Variants in IKZF2 observed in about 807,000 individuals in gnomAD.
The protein encoded by IKZF2 is IKAROS family zinc finger 2, also known as zinc finger protein Helios.
IKZF2 carries 15 observed loss-of-function variants against 49.2 expected under a neutral mutation model. That is an observed-to-expected ratio of 0.30 (90% CI 0.20 to 0.47). The LOEUF (loss-of-function observed/expected upper bound fraction) is 0.47, where lower values mean the gene tolerates loss of function less well. IKZF2 is among the 20% of genes least tolerant of loss of function. IKZF2 has a pLI of 1.00. For missense variants in IKZF2, 567 were observed against 664.6 expected (o/e 0.85, Z 1.61); for synonymous variants, 227 against 221.4 (o/e 1.03, Z -0.23).
chr2:213,076,071 CAAAT>C (rs1703229074), intron 4 of IKZF2, among the ~76,000 whole-genome samples: 1 of 151,930 alleles, frequency 6.6e-6, no homozygotes. Flanking sequence ...TGTAAAAAAA[CAAAT>C]AATGTTTTCC....
chr2:213,086,988 C>T (rs1704692126), intron 4 of IKZF2, among the ~76,000 whole-genome samples: 1 of 151,982 alleles, frequency 6.6e-6, no homozygotes, highest in Admixed American at 6.6e-5. Context: ...CCTGTTAATG[C>T]AATAGGGAGA....
chr2:213,033,258 C>T (rs1474731396), intron 6 of IKZF2, among the ~76,000 whole-genome samples: 1 of 152,212 alleles, frequency 6.6e-6, no homozygotes, highest in Non-Finnish European at 1.5e-5. Flanking sequence ...CCTTTATCCA[C>T]TGAAGTCCTG....
At chr2:213,092,183 A>G (rs1705422694) in intron 4 of IKZF2, among the ~76,000 whole-genome samples, 1 of 151,842 alleles carries the variant, frequency 6.6e-6, no homozygotes, top group African/African-American at 2.4e-5. Context: ...ACACCACCAC[A>G]CCTAGCTAAT....
intron 4 of IKZF2, among the ~76,000 whole-genome samples, chr2:213,128,527 T>C (rs2060345603): frequency 6.6e-6 from 1 of 152,148 alleles, no homozygotes; most frequent in East Asian, 1.9e-4. Context: ...TGAAAATCAG[T>C]ACTCTTAACT....
rs1695207186 is a variant in IKZF2 at position 213,005,001 on chromosome 2, A to G, written c.*2359T>C. ...TGATTGTTCATATACTGAAAAAAAA[A>G]TAAGTAGGAAGAAAATTCATAGATA... is the stretch of plus-strand genomic sequence containing the variant. On this transcript the variant is annotated 3_prime_UTR_variant, in exon 9 of 9. Transcript: ENST00000434687. The G allele has an allele frequency of 6.6e-6, 1 of 152,426 alleles. No homozygotes were observed. The highest frequency in any genetic ancestry group is 2.4e-5 in the African/African-American group (1 of 41,432). The allele number at this position is 152,426 out of a possible 1,614,324, so 9.4% of individuals were successfully genotyped here.
chr2:213,113,905 T>C (rs968891885), intron 4 of IKZF2, among the ~76,000 whole-genome samples: 5 of 152,190 alleles, frequency 3.3e-5, no homozygotes, highest in Non-Finnish European at 5.9e-5. Context: ...TTTATACTCA[T>C]CACAAGGATG....
At chr2:213,126,826 C>T (rs1398173863) in intron 4 of IKZF2, among the ~76,000 whole-genome samples, 1 of 152,056 alleles carries the variant, frequency 6.6e-6, no homozygotes, top group East Asian at 1.9e-4. Context: ...TCACGGTACA[C>T]ATTTATAACA....
intron 7 of IKZF2, 79 bp from the exon 8 acceptor site, chr2:213,014,013 G>A (rs774328552): frequency 3.0e-5 from 40 of 1,343,704 alleles, no homozygotes; most frequent in South Asian, 1.9e-4. Context: ...ATGCCATCTC[G>A]ATATGTGTTA....
chr2:213,080,429 C>T (rs762799268), intron 4 of IKZF2, among the ~76,000 whole-genome samples: 11 of 151,916 alleles, frequency 7.2e-5, no homozygotes, highest in Non-Finnish European at 1.0e-4. Flanking sequence ...AAAGAGAAAA[C>T]GAGGAGAACA....
At position 213,150,209 on chromosome 2, in the gene IKZF2, C is replaced by T; in HGVS notation, c.-81G>A. 3 of 1,284,292 alleles carry T rather than the reference C, an allele frequency of 2.3e-6. No homozygotes were observed. Among genetic ancestry groups the T allele is most frequent in the South Asian group, 1.3e-5 (1 of 75,712 alleles). The allele number at this position is 1,284,292 out of a possible 1,614,324, so 79.6% of individuals were successfully genotyped here. A position where few individuals can be genotyped will look rare whatever the true frequency, so the allele number is the denominator to read the frequency against. ...TTCCAGCTCTGTCGGGAGATCTCAG[C>T]TTCTTCTAACCCCTCAAAGAGGAGG... On this transcript the variant is annotated 5_prime_UTR_variant, in exon 2 of 9. Coordinates refer to ENST00000434687, the MANE Select transcript of IKZF2 (RefSeq NM_001387220.1).
At chr2:213,037,868 G>C (rs1393614363) in intron 6 of IKZF2, among the ~76,000 whole-genome samples, 1 of 152,220 alleles carries the variant, frequency 6.6e-6, no homozygotes, top group Non-Finnish European at 1.5e-5. Context: ...CAGGTGCCAG[G>C]TCTACAATCA....
chr2:213,091,104 C>T (rs750475766), intron 4 of IKZF2, among the ~76,000 whole-genome samples: 166 of 151,996 alleles, frequency 1.1e-3, no homozygotes, highest in Non-Finnish European at 3.7e-4. Flanking sequence ...GCTAATTTTA[C>T]GATTTTTAAA....
chr2:213,065,651 G>A (rs1406963441), intron 4 of IKZF2, among the ~76,000 whole-genome samples: 2 of 151,920 alleles, frequency 1.3e-5, no homozygotes, highest in African/African-American at 4.8e-5. Flanking sequence ...ACTCCATGAA[G>A]TACGTAATTT....
chr2:213,053,179 A>T (rs923681134), intron 5 of IKZF2, among the ~76,000 whole-genome samples: 3 of 152,140 alleles, frequency 2.0e-5, no homozygotes, highest in Non-Finnish European at 4.4e-5. Flanking sequence ...CATAATGACT[A>T]ATCTTTCCCC....
intron 6 of IKZF2, among the ~76,000 whole-genome samples, chr2:213,025,219 C>A (rs1195433340): frequency 2.6e-5 from 4 of 152,132 alleles, no homozygotes; most frequent in African/African-American, 9.7e-5. Flanking sequence ...TCCTAACTTG[C>A]AAATATGTTA....
chr2:213,147,861 G>T, intron 3 of IKZF2, 49 bp from the exon 4 acceptor site: 1 of 1,395,530 alleles, frequency 7.2e-7, no homozygotes, highest in Non-Finnish European at 1.0e-6. Context: ...TGTCACATAA[G>T]ATGTAATTAC....
chr2:213,142,344 T>A (rs951243803), intron 4 of IKZF2, among the ~76,000 whole-genome samples: 2 of 151,878 alleles, frequency 1.3e-5, no homozygotes, highest in East Asian at 3.8e-4. Flanking sequence ...TTATCAGAAA[T>A]CCCTATCTTT....
At chr2:213,129,201 C>T (rs1295783490) in intron 4 of IKZF2, among the ~76,000 whole-genome samples, 4 of 151,490 alleles carry the variant, frequency 2.6e-5, no homozygotes, top group East Asian at 1.9e-4. Context: ...CCAAATGTTC[C>T]TCAACTGTGT....
At chr2:213,118,955 C>T (rs779112215) in intron 4 of IKZF2, among the ~76,000 whole-genome samples, 23 of 152,164 alleles carry the variant, frequency 1.5e-4, no homozygotes, top group Non-Finnish European at 3.1e-4. Flanking sequence ...ATTTATGCCA[C>T]TATAAAACAA....
Sources: gnomAD v4.1 joint callset for allele counts (sites outside exome capture counted in the v4.1 genomes callset) on GRCh38, gnomAD v4.1.1 for gene constraint, MANE v1.5 for transcripts, NCBI Gene and HGNC (gene_info 2026-07-23, HGNC 2026-07-21) for gene names.